XPO4: variants seen among roughly 807,000 people sequenced by gnomAD.
The protein encoded by XPO4 is exportin-4.
XPO4 carries 39 observed loss-of-function variants against 143.0 expected under a neutral mutation model. The observed-to-expected ratio is 0.27, with a 90% CI of 0.21 to 0.36. The LOEUF (loss-of-function observed/expected upper bound fraction) is 0.36. Ranked by LOEUF, XPO4 falls within the 10% of genes least tolerant of loss-of-function variation. The pLI, the probability that XPO4 is intolerant of heterozygous loss-of-function variation, is 1.00. For synonymous variants in XPO4, 439 were observed against 474.0 expected, an observed-to-expected ratio of 0.93 and a Z score of 0.96; for missense variants, 907 against 1,348.0, an observed-to-expected ratio of 0.67 and a Z score of 5.12.
chr13:20,868,253 C>T (rs1353366999), intron 2 of XPO4, among the ~76,000 whole-genome samples: 4 of 151,004 alleles, frequency 2.6e-5, no homozygotes, highest in African/African-American at 9.7e-5. Context: ...TAAGACTGGG[C>T]TAAAAGATAC....
At chr13:20,859,946 G>C (rs963603851) in intron 3 of XPO4, 19 of 645,422 alleles carry the variant, frequency 2.9e-5, no homozygotes, top group Non-Finnish European at 3.5e-5. Context: ...TGGCGACAAG[G>C]GGGAGAAAAG....
chr13:20,792,929 A>AG (rs2059306429), intron 18 of XPO4, among the ~76,000 whole-genome samples: 1 of 151,932 alleles, frequency 6.6e-6, no homozygotes, highest in South Asian at 2.1e-4. Context: ...CTGGGATTAC[A>AG]GGCATGCACC....
chr13:20,794,232 T>C (rs887789071), intron 18 of XPO4, among the ~76,000 whole-genome samples: 5 of 152,070 alleles, frequency 3.3e-5, no homozygotes, highest in African/African-American at 9.7e-5. Context: ...ATAAGACAAA[T>C]CTGGTAGTAT....
chr13:20,892,189 C>A (rs546447193), intron 1 of XPO4, among the ~76,000 whole-genome samples: 2 of 152,040 alleles, frequency 1.3e-5, no homozygotes, highest in African/African-American at 4.8e-5. Context: ...TGGGTTCAAG[C>A]GATTCTCCTG....
At chr13:20,852,127 A>G in intron 4 of XPO4, 1 of 985,442 alleles carries the variant, frequency 1.0e-6, no homozygotes, top group Non-Finnish European at 1.2e-6. Flanking sequence ...CCCAATACCA[A>G]AATCCTGGCT....
Position 20,778,826 on chromosome 13 carries a change from G to T in XPO4, c.*4896C>A, listed in dbSNP as rs1168262963. The T allele has an allele frequency of 6.6e-6, 1 of 152,030 alleles. No individual in the cohort carries two copies. Among genetic ancestry groups the T allele is most frequent in the Non-Finnish European group, 1.5e-5 (1 of 68,010 alleles). 9.4% of individuals were successfully genotyped at this position (152,030 alleles called of 1,614,324 possible). A position where few individuals can be genotyped will look rare whatever the true frequency, so the allele number is the denominator to read the frequency against. On this transcript the variant is annotated 3_prime_UTR_variant, in exon 23 of 23. Transcript: ENST00000255305. Reference sequence around the variant, plus strand: ...CACCATTTCAATGCATTTCATAAAAGAGTCTAGCTAAATACCCATGAACAA... The same window carrying T: ...CACCATTTCAATGCATTTCATAAAATAGTCTAGCTAAATACCCATGAACAA...
At chr13:20,845,800 T>C (rs1200267092) in intron 4 of XPO4, among the ~76,000 whole-genome samples, 1 of 152,194 alleles carries the variant, frequency 6.6e-6, no homozygotes, top group Non-Finnish European at 1.5e-5. Flanking sequence ...GGAAAGTAGA[T>C]GTTAAATCAA....
At chr13:20,866,200 T>C (rs2060243567) in intron 2 of XPO4, 1 of 985,242 alleles carries the variant, frequency 1.0e-6, no homozygotes, top group South Asian at 4.7e-5. Context: ...AGTGCTCTTC[T>C]GACAAAATGC....
chr13:20,897,226 G>T (rs936007859), intron 1 of XPO4, among the ~76,000 whole-genome samples: 13 of 152,050 alleles, frequency 8.5e-5, no homozygotes, highest in African/African-American at 3.1e-4. Flanking sequence ...TTTATGACGT[G>T]TACTGTGGTT....
In XPO4 at chr13:20,797,016, G is replaced by A. The variant is rs1261508187; in HGVS notation, c.2364C>T (p.Asn788=). Residue 788 remains asparagine, a synonymous_variant, in exon 17 of 23, where the codon AAC becomes AAT. Coordinates refer to ENST00000255305, the MANE Select transcript of XPO4 (RefSeq NM_022459.5). ...GACACATCTGCTGGAAGTTTTCTTG[G>A]TTTATCACTCTTAAGAATCGCTGCT... ...PLQQRFLRVI[N]QENFQQMCQQ... 1 of 1,610,708 alleles carries A rather than the reference G, an allele frequency of 6.2e-7. No homozygotes were observed. The highest frequency in any genetic ancestry group is 1.7e-5 in the Admixed American group (1 of 59,530).
chr13:20,827,373 T>G (rs940222136), intron 6 of XPO4, among the ~76,000 whole-genome samples, 194 bp from the exon 7 acceptor site: 5 of 152,194 alleles, frequency 3.3e-5, no homozygotes, highest in African/African-American at 4.8e-5. Context: ...AAAAGAATGT[T>G]ACAGGAATGT....
At chr13:20,856,056 G>C (rs931569018) in intron 3 of XPO4, among the ~76,000 whole-genome samples, 2 of 152,114 alleles carry the variant, frequency 1.3e-5, no homozygotes, top group African/African-American at 4.8e-5. Flanking sequence ...AATGTTCCTA[G>C]AACTGTGCCC....
intron 1 of XPO4, among the ~76,000 whole-genome samples, chr13:20,890,989 C>T (rs1383042746): frequency 2.0e-5 from 3 of 150,452 alleles, no homozygotes; most frequent in Admixed American, 6.6e-5. Context: ...TGGTGGTGCA[C>T]GCCTGTAATC....
chr13:20,875,921 A>T (rs1369404341), intron 1 of XPO4, among the ~76,000 whole-genome samples: 3 of 152,048 alleles, frequency 2.0e-5, no homozygotes, highest in Non-Finnish European at 4.4e-5. Flanking sequence ...ATCCTAACTC[A>T]TGTAAGGGTA....
At chr13:20,825,660 G>A (rs1220728694) in intron 7 of XPO4, among the ~76,000 whole-genome samples, 1 of 152,158 alleles carries the variant, frequency 6.6e-6, no homozygotes, top group Non-Finnish European at 1.5e-5. Context: ...TGCTGGAGTG[G>A]AATCTACTTT....
Position 20,849,476 on chromosome 13 carries a change from G to A in XPO4, c.457-5590C>T, listed in dbSNP as rs11843230. ...TGTTTAAATACAGATTAAAATTTTAGCTTAAAATAAAAAATTTTGCTACTT... is the reference window on the plus strand; with the variant it reads ...TGTTTAAATACAGATTAAAATTTTAACTTAAAATAAAAAATTTTGCTACTT... On this transcript the variant is annotated intron_variant, in intron 4 of 22. Coordinates refer to ENST00000255305, the MANE Select transcript of XPO4 (RefSeq NM_022459.5). 9,144 of 984,322 alleles carry A rather than the reference G, an allele frequency of 9.3e-3. 58 individuals are homozygous for A. The highest frequency in any genetic ancestry group is 0.02 in the Middle Eastern group (38 of 1,910). 61.0% of individuals were successfully genotyped at this position (984,322 alleles called of 1,614,324 possible).
chr13:20,875,562 C>T (rs923350895), intron 1 of XPO4, among the ~76,000 whole-genome samples: 2 of 152,172 alleles, frequency 1.3e-5, no homozygotes, highest in African/African-American at 4.8e-5. Context: ...TCCATAACTG[C>T]CTCTTAAATC....
chr13:20,847,773 T>C (rs1433038106), intron 4 of XPO4, among the ~76,000 whole-genome samples: 1 of 152,138 alleles, frequency 6.6e-6, no homozygotes, highest in Non-Finnish European at 1.5e-5. Context: ...AACTAATTGA[T>C]AAAAGACTGC....
intron 9 of XPO4, among the ~76,000 whole-genome samples, chr13:20,819,950 A>C (rs763091183): frequency 4.6e-5 from 7 of 152,236 alleles, no homozygotes; most frequent in Non-Finnish European, 7.3e-5. Context: ...CCACCCCATT[A>C]GCCCTCAACT....
Sources: gnomAD v4.1 joint callset for allele counts (sites outside exome capture counted in the v4.1 genomes callset) on GRCh38, gnomAD v4.1.1 for gene constraint, MANE v1.5 for transcripts, NCBI Gene and HGNC (gene_info 2026-07-23, HGNC 2026-07-21) for gene names.